Variants in ATP6V1G3 observed in about 807,000 individuals in gnomAD.
The protein encoded by ATP6V1G3 is ATPase H+ transporting V1 subunit G3, also known as V-type proton ATPase subunit G 3.
In ATP6V1G3, 9 loss-of-function variants were observed where a neutral mutation model predicts 9.3. That is an observed-to-expected ratio of 0.97 (90% CI 0.59 to 1.69). The LOEUF is 1.69. Among genes scored for constraint, ATP6V1G3 ranks in the 40% most tolerant of loss-of-function variants. The probability of loss-of-function intolerance (pLI) is 0.00; values close to 1 mark genes in which losing one functional copy is unlikely to be tolerated. For missense variants in ATP6V1G3, 133 were observed against 139.0 expected (o/e 0.96, Z 0.22); for synonymous variants, 43 against 43.8 (o/e 0.98, Z 0.07).
intron 1 of ATP6V1G3, among the ~76,000 whole-genome samples, chr1:198,539,005 A>G (rs959188824): frequency 1.3e-5 from 2 of 152,006 alleles, no homozygotes; most frequent in Admixed American, 6.6e-5. Context: ...CTATAAAACT[A>G]CTCTACATTC....
intron 1 of ATP6V1G3, among the ~76,000 whole-genome samples, chr1:198,536,921 T>TGC (rs1660137264): frequency 6.6e-6 from 1 of 152,200 alleles, no homozygotes. Context: ...TGTGTGTGTG[T>TGC]GCGTGTATTA....
chr1:198,536,543 T>A (rs1660119972), intron 1 of ATP6V1G3: 2 of 624,146 alleles, frequency 3.2e-6, no homozygotes, highest in Non-Finnish European at 5.6e-6. Flanking sequence ...TAGTGCAAAC[T>A]ACTGTGATTT....
Position 198,523,434 on chromosome 1 carries a change from T to C in ATP6V1G3, c.314A>G (p.Asp105Gly). ...GTTCACATGGATTTCTGGTTTCATGTCACAGACCATGCTCAAGAGCTGGTT... is the reference window on the plus strand; with the variant it reads ...GTTCACATGGATTTCTGGTTTCATGCCACAGACCATGCTCAAGAGCTGGTT... ...VMNQLLSMVC[D>G]MKPEIHVNYR... Residue 105 changes from aspartate to glycine, a missense_variant, in exon 3 of 3, where the codon GAC becomes GGC. Physicochemically the swap from Asp to Gly is moderately conservative, Grantham distance 94. Coordinates refer to ENST00000367382, the MANE Select transcript of ATP6V1G3 (RefSeq NM_001376861.1). The C allele has an allele frequency of 6.2e-7, 1 of 1,613,548 alleles. No individual in the cohort carries two copies. The highest frequency in any genetic ancestry group is 2.2e-5 in the East Asian group (1 of 44,796).
At chr1:198,535,004 A>G (rs2103141405) in intron 1 of ATP6V1G3, among the ~76,000 whole-genome samples, 1 of 152,266 alleles carries the variant, frequency 6.6e-6, no homozygotes, top group East Asian at 1.9e-4. Context: ...TTCCTGTCAG[A>G]TCTCTGCTTC....
At chr1:198,538,374 C>A (rs1318894244) in intron 1 of ATP6V1G3, among the ~76,000 whole-genome samples, 1 of 151,996 alleles carries the variant, frequency 6.6e-6, no homozygotes, top group Non-Finnish European at 1.5e-5. Context: ...GCCAGGTTGC[C>A]CTTAGCGGCT....
At chr1:198,531,866 A>C (rs923252322) in intron 1 of ATP6V1G3, among the ~76,000 whole-genome samples, 2 of 152,160 alleles carry the variant, frequency 1.3e-5, no homozygotes, top group Non-Finnish European at 2.9e-5. Flanking sequence ...GATTAGAAAA[A>C]AATGTATATA....
chr1:198,538,859 T>C, intron 1 of ATP6V1G3, among the ~76,000 whole-genome samples: 1 of 138,304 alleles, frequency 7.2e-6, no homozygotes, highest in African/African-American at 2.9e-5. Context: ...ATCATCTGCA[T>C]TTCAGCCTGG....
At chr1:198,535,944 A>G (rs116437579) in intron 1 of ATP6V1G3, among the ~76,000 whole-genome samples, 2,329 of 152,230 alleles carry the variant, frequency 0.015, 61 homozygotes, top group African/African-American at 0.053. Flanking sequence ...GCTTTTAGAC[A>G]TTTTTAATAT....
chr1:198,529,951 G>A (rs1314250411), intron 1 of ATP6V1G3, among the ~76,000 whole-genome samples: 3 of 152,072 alleles, frequency 2.0e-5, no homozygotes, highest in Non-Finnish European at 2.9e-5. Flanking sequence ...ATACAATGCT[G>A]TGGTAATCAT....
chr1:198,537,026 T>C (rs1237468184), intron 1 of ATP6V1G3, among the ~76,000 whole-genome samples: 1 of 152,192 alleles, frequency 6.6e-6, no homozygotes, highest in Non-Finnish European at 1.5e-5. Context: ...CCAATGCTTT[T>C]ATACTCTACT....
intron 2 of ATP6V1G3, among the ~76,000 whole-genome samples, chr1:198,526,992 G>A (rs866545092): frequency 1.3e-5 from 2 of 152,140 alleles, no homozygotes; most frequent in Non-Finnish European, 2.9e-5. Flanking sequence ...ATTTGCTAAC[G>A]TACAGCCCAC....
chr1:198,530,873 T>G (rs1452820119), intron 1 of ATP6V1G3, among the ~76,000 whole-genome samples: 1 of 152,150 alleles, frequency 6.6e-6, no homozygotes, highest in Admixed American at 6.6e-5. Context: ...TGTATTGATT[T>G]TTTTTAGTAA....
chr1:198,536,555 A>C, intron 1 of ATP6V1G3: 2 of 697,526 alleles, frequency 2.9e-6, no homozygotes, highest in Non-Finnish European at 4.8e-6. Context: ...CTGTGATTTC[A>C]TCTAAATTCA....
intron 1 of ATP6V1G3, among the ~76,000 whole-genome samples, chr1:198,532,448 C>T (rs541068059): frequency 7.8e-4 from 118 of 152,232 alleles, no homozygotes; most frequent in South Asian, 3.1e-3. Flanking sequence ...TATTCTGTGC[C>T]ACACACTATT....
chr1:198,537,385 T>C (rs908850635), intron 1 of ATP6V1G3, among the ~76,000 whole-genome samples: 4 of 152,192 alleles, frequency 2.6e-5, no homozygotes, highest in African/African-American at 9.6e-5. Context: ...TGCTGTTTTC[T>C]TTCTCTTTCC....
At chr1:198,525,596 A>G (rs1304146657) in intron 2 of ATP6V1G3, among the ~76,000 whole-genome samples, 1 of 152,208 alleles carries the variant, frequency 6.6e-6, no homozygotes, top group Non-Finnish European at 1.5e-5. Flanking sequence ...TCAAAAGTGT[A>G]AAAGAAGTAG....
chr1:198,531,962 A>T (rs1420640055), intron 1 of ATP6V1G3, among the ~76,000 whole-genome samples: 1 of 152,092 alleles, frequency 6.6e-6, no homozygotes, highest in East Asian at 1.9e-4. Context: ...TTGCTAAAAA[A>T]GAAGTCAAGG....
At chr1:198,531,100 A>G (rs1659880488) in intron 1 of ATP6V1G3, among the ~76,000 whole-genome samples, 1 of 152,032 alleles carries the variant, frequency 6.6e-6, no homozygotes, top group Non-Finnish European at 1.5e-5. Flanking sequence ...ACACGGTGAC[A>G]GGCTCAGAGC....
intron 1 of ATP6V1G3, chr1:198,536,617 A>T: frequency 1.5e-6 from 2 of 1,370,018 alleles, no homozygotes; most frequent in South Asian, 1.4e-5. Flanking sequence ...AGCTTTAACT[A>T]ATAAATATAA....
Sources: allele counts gnomAD v4.1 joint callset (sites outside exome capture counted in the v4.1 genomes callset), GRCh38; gene constraint gnomAD v4.1.1; transcripts MANE v1.5; gene names NCBI Gene and HGNC (gene_info 2026-07-23, HGNC 2026-07-21).